Variants in TSGA10 observed in about 807,000 individuals in gnomAD.
The protein encoded by TSGA10 is testis specific 10, also known as testis-specific gene 10 protein.
In TSGA10, 43 loss-of-function variants were observed where a neutral mutation model predicts 96.6. That is an observed-to-expected ratio of 0.44 (90% confidence interval 0.35 to 0.57). The LOEUF (loss-of-function observed/expected upper bound fraction) is 0.57, where lower values mean the gene tolerates loss of function less well. Ranked by LOEUF, TSGA10 falls within the 20% of genes least tolerant of loss-of-function variation. The pLI, the probability that TSGA10 is intolerant of heterozygous loss-of-function variation, is 0.01. For missense variants in TSGA10, 703 were observed against 834.4 expected (o/e 0.84, Z 1.94); for synonymous variants, 229 against 269.9 (o/e 0.85, Z 1.48).
At chr2:99,144,005 T>C (rs999201566) in intron 1 of TSGA10, among the ~76,000 whole-genome samples, 4 of 145,134 alleles carry the variant, frequency 2.8e-5, no homozygotes, top group African/African-American at 9.8e-5. Context: ...CACAGCTCAC[T>C]GATGCTGTGT....
intron 10 of TSGA10, among the ~76,000 whole-genome samples, chr2:99,089,366 T>C (rs916873467): frequency 9.2e-5 from 14 of 152,292 alleles, no homozygotes; most frequent in African/African-American, 2.9e-4. Context: ...AACTGAATTT[T>C]GTAACAATTC....
chr2:99,130,757 TTTTATG>T (rs765928172), intron 1 of TSGA10, among the ~76,000 whole-genome samples: 4 of 152,244 alleles, frequency 2.6e-5, no homozygotes, highest in Non-Finnish European at 4.4e-5. Context: ...TGGTCTTATG[TTTTATG>T]TTTAAGTCTT....
intron 17 of TSGA10, among the ~76,000 whole-genome samples, chr2:99,027,524 AAG>A (rs1213034753): frequency 6.6e-6 from 1 of 152,202 alleles, no homozygotes; most frequent in Non-Finnish European, 1.5e-5. Context: ...AAATTGCTAA[AAG>A]AATAAAATTT....
chr2:99,061,775 G>A (rs544912870), intron 16 of TSGA10, among the ~76,000 whole-genome samples: 5 of 152,256 alleles, frequency 3.3e-5, no homozygotes, highest in South Asian at 2.1e-4. Flanking sequence ...AAATTCATAC[G>A]TTGAACCCTA....
intron 1 of TSGA10, chr2:99,150,766 G>T: frequency 6.2e-7 from 1 of 1,613,660 alleles, no homozygotes; most frequent in Non-Finnish European, 8.5e-7. Context: ...ATCTCTTTCT[G>T]GGAAAGCCTT....
At chr2:99,092,767 ATAG>A (rs1246993514) in intron 10 of TSGA10, among the ~76,000 whole-genome samples, 1 of 152,060 alleles carries the variant, frequency 6.6e-6, no homozygotes, top group African/African-American at 2.4e-5. Flanking sequence ...GGGGATTCAA[ATAG>A]TAATTTAAAA....
chr2:99,066,370 A>G (rs1187247710), intron 15 of TSGA10, among the ~76,000 whole-genome samples: 4 of 152,170 alleles, frequency 2.6e-5, no homozygotes, highest in African/African-American at 9.7e-5. Flanking sequence ...ATGTACTTGG[A>G]GGGTGCTTGT....
chr2:99,063,176 T>C (rs748436168), intron 16 of TSGA10, among the ~76,000 whole-genome samples: 13 of 152,200 alleles, frequency 8.5e-5, no homozygotes, highest in Non-Finnish European at 1.6e-4. Flanking sequence ...AAAAATTATA[T>C]GTCTACTTCG....
At chr2:99,141,154 G>T (rs2093532664) in intron 1 of TSGA10, 1 of 1,267,012 alleles carries the variant, frequency 7.9e-7, no homozygotes, top group Non-Finnish European at 1.0e-6. Flanking sequence ...GCGACTGTCA[G>T]CTCTCGGCCT....
chr2:99,050,365 CATTTCAG>C (rs1056750163), intron 16 of TSGA10, among the ~76,000 whole-genome samples: 21 of 152,290 alleles, frequency 1.4e-4, no homozygotes, highest in African/African-American at 4.1e-4. Context: ...CTCGTTAAAA[CATTTCAG>C]ATTTCAGATT....
Position 99,084,259 on chromosome 2 carries a change from C to T in TSGA10, c.612-2862G>A, listed in dbSNP as rs117600816. Among the ~76,000 whole-genome samples, 503 of 152,196 alleles carry T rather than the reference C, an allele frequency of 3.3e-3. 19 individuals are homozygous for T. In the East Asian group the frequency reaches 0.071, roughly 21 times the overall value. On this transcript the variant is annotated intron_variant, in intron 10 of 20. Transcript: ENST00000393483. ...ATCTGATATGGTTTGGATGTTTGTC[C>T]GCTACAAATCTCATGTTGAAATGTG...
At chr2:99,144,968 C>A (rs1171054147) in intron 1 of TSGA10, among the ~76,000 whole-genome samples, 1 of 152,130 alleles carries the variant, frequency 6.6e-6, no homozygotes, top group Non-Finnish European at 1.5e-5. Context: ...TACGGCTGTG[C>A]AACAATTTAC....
intron 16 of TSGA10, among the ~76,000 whole-genome samples, chr2:99,042,931 T>C (rs2082343679): frequency 6.6e-6 from 1 of 152,086 alleles, no homozygotes; most frequent in Non-Finnish European, 1.5e-5. Flanking sequence ...ACTCCTGGCC[T>C]CAGGTGATCC....
intron 2 of TSGA10, among the ~76,000 whole-genome samples, chr2:99,120,655 A>G (rs981119391): frequency 6.6e-6 from 1 of 152,190 alleles, no homozygotes; most frequent in South Asian, 2.1e-4. Flanking sequence ...GAAGTCTCAT[A>G]CGCCCTTTAC....
At chr2:99,103,817 T>A in intron 10 of TSGA10, 150 bp downstream of exon 10, 13 of 825,384 alleles carry the variant, frequency 1.6e-5, no homozygotes, top group Non-Finnish European at 1.4e-5. Context: ...AGGAAAATTG[T>A]TCACTGTGTG....
intron 1 of TSGA10, chr2:99,154,336 CAG>C (rs1427069318): frequency 6.6e-6 from 1 of 152,228 alleles, no homozygotes; most frequent in Non-Finnish European, 1.5e-5. Context: ...CATGGAGTCA[CAG>C]AGTTTTCTTG....
chr2:99,131,087 C>G (rs2093058860), intron 1 of TSGA10, among the ~76,000 whole-genome samples: 1 of 152,186 alleles, frequency 6.6e-6, no homozygotes, highest in South Asian at 2.1e-4. Context: ...CAGCTTCGTT[C>G]TTTTTGCTTA....
At chr2:99,084,521 C>T (rs1476479878) in intron 10 of TSGA10, among the ~76,000 whole-genome samples, 1 of 152,082 alleles carries the variant, frequency 6.6e-6, no homozygotes, top group Admixed American at 6.5e-5. Context: ...CTGTCTCGTG[C>T]CCTCACCAGA....
At chr2:99,054,451 C>A (rs1358255794) in intron 16 of TSGA10, among the ~76,000 whole-genome samples, 1 of 152,004 alleles carries the variant, frequency 6.6e-6, no homozygotes, top group Non-Finnish European at 1.5e-5. Context: ...TGACATTGAC[C>A]AGGGTAGTGA....
Sources: gnomAD v4.1 joint callset for allele counts (sites outside exome capture counted in the v4.1 genomes callset) on GRCh38, gnomAD v4.1.1 for gene constraint, MANE v1.5 for transcripts, NCBI Gene and HGNC (gene_info 2026-07-23, HGNC 2026-07-21) for gene names.